SPMIP11: variants seen among roughly 807,000 people sequenced by gnomAD.
The protein encoded by SPMIP11 is sperm microtubule inner protein 11.
the SPMIP11 span, chr12:48,769,027 G>T: frequency 6.2e-7 from 1 of 1,612,722 alleles, no homozygotes; most frequent in Non-Finnish European, 8.5e-7. Context: ...TCCGAGCCCC[G>T]ATGACACCTG....
the SPMIP11 span, among the ~76,000 whole-genome samples, chr12:48,762,488 C>T: frequency 6.7e-6 from 1 of 150,246 alleles, no homozygotes; most frequent in Admixed American, 6.7e-5. Context: ...CTGTCTCAGC[C>T]TCCTAAGTAG....
chr12:48,753,859 T>C, the SPMIP11 span, among the ~76,000 whole-genome samples: 6 of 151,856 alleles, frequency 4.0e-5, no homozygotes, highest in African/African-American at 1.5e-4. Flanking sequence ...TGTGCCACAA[T>C]GCCCGGCTAA....
chr12:48,764,253 T>G, the SPMIP11 span, among the ~76,000 whole-genome samples: 2 of 152,168 alleles, frequency 1.3e-5, no homozygotes, highest in Admixed American at 1.3e-4. Context: ...CCTCCCAAAG[T>G]GCTGGAATTA....
the SPMIP11 span, among the ~76,000 whole-genome samples, chr12:48,757,152 G>A: frequency 6.6e-6 from 1 of 151,978 alleles, no homozygotes; most frequent in Non-Finnish European, 1.5e-5. Flanking sequence ...TTTGGCTTGC[G>A]TGACAGAATG....
At chr12:48,764,814 G>A in the SPMIP11 span, 2 of 698,990 alleles carry the variant, frequency 2.9e-6, no homozygotes, top group Non-Finnish European at 5.2e-6. Flanking sequence ...AGAACTTGAA[G>A]GAATTAGATA....
chr12:48,764,510 G>C, the SPMIP11 span, among the ~76,000 whole-genome samples: 3 of 152,152 alleles, frequency 2.0e-5, no homozygotes, highest in Non-Finnish European at 4.4e-5. Flanking sequence ...ATTAAGCCAA[G>C]AAGAAAGAAA....
At chr12:48,753,704 T>C in the SPMIP11 span, among the ~76,000 whole-genome samples, 1 of 142,234 alleles carries the variant, frequency 7.0e-6, no homozygotes, top group Non-Finnish European at 1.5e-5. Context: ...TTTTTTTTTT[T>C]TTTTTTTTCT....
At chr12:48,763,566 A>G in the SPMIP11 span, among the ~76,000 whole-genome samples, 23 of 152,216 alleles carry the variant, frequency 1.5e-4, no homozygotes, top group African/African-American at 5.5e-4. Context: ...ATTTTAAAAA[A>G]ATTATTATAA....
the SPMIP11 span, among the ~76,000 whole-genome samples, chr12:48,752,841 T>G: frequency 5.3e-5 from 8 of 151,960 alleles, no homozygotes; most frequent in Non-Finnish European, 1.0e-4. Context: ...CCAGCTAATT[T>G]TTTGTATTTT....
At chr12:48,733,328 G>T in the SPMIP11 span, among the ~76,000 whole-genome samples, 3 of 152,080 alleles carry the variant, frequency 2.0e-5, no homozygotes, top group East Asian at 5.9e-4. Flanking sequence ...TCCCACCTCG[G>T]CCTCCCAAAG....
chr12:48,759,415 T>G, the SPMIP11 span: 12,499 of 673,072 alleles, frequency 0.019, 1,115 homozygotes, highest in African/African-American at 0.19. Context: ...GAGGCCGGGC[T>G]TGGTGGCTCA....
the SPMIP11 span, chr12:48,767,078 C>T: frequency 6.6e-6 from 1 of 152,668 alleles, no homozygotes; most frequent in South Asian, 2.1e-4. Flanking sequence ...GTTCCTCTTC[C>T]CCACCCCGTA....
At chr12:48,740,238 T>C in the SPMIP11 span, among the ~76,000 whole-genome samples, 3 of 152,204 alleles carry the variant, frequency 2.0e-5, no homozygotes, top group Admixed American at 2.0e-4. Context: ...CTACACCCTT[T>C]ACCCAAGTTA....
chr12:48,753,692 C>CTTTCTTTTTTTTTT, the SPMIP11 span, among the ~76,000 whole-genome samples: 1 of 118,818 alleles, frequency 8.4e-6, no homozygotes, highest in African/African-American at 3.1e-5. Context: ...TTTTTTTTTT[C>CTTTCTTTTTTTTTT]TTTTTTTTTT....
At chr12:48,753,812 C>T in the SPMIP11 span, among the ~76,000 whole-genome samples, 1 of 150,210 alleles carries the variant, frequency 6.7e-6, no homozygotes, top group Non-Finnish European at 1.5e-5. Context: ...AAGTGATTCT[C>T]CTGCCTCAGC....
At chr12:48,755,407 A>G in the SPMIP11 span, among the ~76,000 whole-genome samples, 2 of 152,190 alleles carry the variant, frequency 1.3e-5, no homozygotes, top group Admixed American at 6.6e-5. Flanking sequence ...ACCTTACCAC[A>G]GTGGAGTTTG....
chr12:48,746,920 C>CA, the SPMIP11 span, among the ~76,000 whole-genome samples: 1,281 of 131,566 alleles, frequency 9.7e-3, 14 homozygotes, highest in African/African-American at 0.028. Context: ...GACTCTGTCT[C>CA]AAAAAAAAAA....
the SPMIP11 span, among the ~76,000 whole-genome samples, chr12:48,750,194 A>G: frequency 6.6e-6 from 1 of 152,088 alleles, no homozygotes; most frequent in East Asian, 1.9e-4. Context: ...TCTACTAAAA[A>G]TCAAAAAAAT....
the SPMIP11 span, among the ~76,000 whole-genome samples, chr12:48,756,119 G>A: frequency 2.2e-4 from 33 of 151,600 alleles, no homozygotes; most frequent in Non-Finnish European, 3.1e-4. Context: ...TCCTGACCTC[G>A]TGATCCGCCT....
Sources: gnomAD v4.1 joint callset for allele counts (sites outside exome capture counted in the v4.1 genomes callset) on GRCh38, gnomAD v4.1.1 for gene constraint, MANE v1.5 for transcripts, NCBI Gene and HGNC (gene_info 2026-07-23, HGNC 2026-07-21) for gene names.